CWH43: variants seen among roughly 807,000 people sequenced by gnomAD.
The protein encoded by CWH43 is PGAP2-interacting protein.
Under a neutral mutation model 85.7 loss-of-function variants are expected in CWH43, and 91 were observed. The ratio of observed to expected loss-of-function variants is 1.06; its 90% CI spans 0.90 to 1.26. The LOEUF is 1.26. Ranked by LOEUF, CWH43 falls within the 50% of genes most tolerant of loss-of-function variation. The pLI is 0.00. For synonymous variants in CWH43, 323 were observed against 293.6 expected, an observed-to-expected ratio of 1.10 and a Z score of -1.02; for missense variants, 869 against 839.2, an observed-to-expected ratio of 1.04 and a Z score of -0.44.
chr4:49,058,319 C>T (rs981517222), intron 15 of CWH43, among the ~76,000 whole-genome samples: 1 of 152,070 alleles, frequency 6.6e-6, no homozygotes, highest in Non-Finnish European at 1.5e-5. Flanking sequence ...TTATTTTAAG[C>T]TGAAAACAAC....
chr4:48,988,472 T>G lies in CWH43; in HGVS notation c.44-5T>G, dbSNP rs750885887. 2.0e-6 allele frequency: 3 copies of G among 1,526,014 alleles called. No individual in the cohort carries two copies. Among genetic ancestry groups the G allele is most frequent in the African/African-American group, 1.4e-5 (1 of 70,432 alleles). 94.5% of individuals were successfully genotyped at this position (1,526,014 alleles called of 1,614,324 possible). ...TTCTCTCTTTAACTTTTTTTTTTTT[T>G]GTAGGATGTGTTTCTTGGTCTCTCT... On this transcript the variant is annotated splice_polypyrimidine_tract_variant and splice_region_variant and intron_variant, in intron 1 of 15. Transcript: ENST00000226432.
intron 4 of CWH43, among the ~76,000 whole-genome samples, chr4:48,994,056 C>T (rs894113533): frequency 6.6e-6 from 1 of 152,180 alleles, no homozygotes; most frequent in Non-Finnish European, 1.5e-5. Context: ...GCCACTGCAT[C>T]TGGCCCTGTT....
intron 8 of CWH43, chr4:49,016,728 A>G: frequency 1.3e-6 from 1 of 776,586 alleles, no homozygotes; most frequent in Non-Finnish European, 2.4e-6. Context: ...CTGCTCGAAA[A>G]CAACCTTCTC....
intron 6 of CWH43, 105 bp from the exon 7 acceptor site, chr4:49,003,630 G>A: frequency 9.4e-7 from 1 of 1,059,880 alleles, no homozygotes; most frequent in East Asian, 2.4e-5. Context: ...TCTGGAGATT[G>A]GATCAGTATA....
At chr4:49,023,748 A>T (rs570086350) in intron 9 of CWH43, among the ~76,000 whole-genome samples, 73 of 152,262 alleles carry the variant, frequency 4.8e-4, no homozygotes, top group African/African-American at 1.5e-3. Flanking sequence ...AAATTTGTTG[A>T]CACTTGTTTT....
intron 8 of CWH43, among the ~76,000 whole-genome samples, chr4:49,014,085 A>G (rs941794653): frequency 2.6e-5 from 4 of 152,226 alleles, no homozygotes; most frequent in Admixed American, 6.5e-5. Flanking sequence ...TAAGTTCTCT[A>G]TGTATTTCCA....
intron 11 of CWH43, among the ~76,000 whole-genome samples, chr4:49,031,461 A>G (rs114550274): frequency 5.1e-4 from 77 of 152,250 alleles, no homozygotes; most frequent in African/African-American, 1.8e-3. Context: ...AGCTGAGGGA[A>G]CAGTCAGGGT....
In CWH43 at chr4:49,035,804, T is replaced by C. The variant is rs111427578; in HGVS notation, c.1659-2232T>C. ...ACAGATTACTTCCAGTTAGAATATA[T>C]TGGATTGGAATCCAATATATTCTAC... On this transcript the variant is annotated intron_variant, in intron 12 of 15. Transcript: ENST00000226432. 2.9e-4 allele frequency among the ~76,000 whole-genome samples: 44 copies of C among 152,228 alleles called. 1 individual carries two copies. Among genetic ancestry groups the C allele is most frequent in the African/African-American group, 1.0e-3 (42 of 41,544 alleles).
At chr4:49,038,873 A>G (rs1321890839) in intron 13 of CWH43, among the ~76,000 whole-genome samples, 1 of 151,478 alleles carries the variant, frequency 6.6e-6, no homozygotes, top group Non-Finnish European at 1.5e-5. Flanking sequence ...CCTGGTTAAC[A>G]TGGTGAAACC....
At position 49,033,647 on chromosome 4, in the gene CWH43, G is replaced by C. The variant is rs148817306; in HGVS notation, c.1658+932G>C. Among the ~76,000 whole-genome samples the C allele has an allele frequency of 3.5e-3, 531 of 152,316 alleles. 2 individuals carry two copies. The highest frequency in any genetic ancestry group is 0.012 in the African/African-American group (510 of 41,584). On this transcript the variant is annotated intron_variant, in intron 12 of 15. Transcript: ENST00000226432. The stretch of plus-strand genomic sequence containing the variant: ...AAAGAAGTCCCTCTACACGCAACAT[G>C]AAGAGTGGGGAATGAGTTTTATCCC...
chr4:48,989,537 C>G (rs1782593158), intron 2 of CWH43, among the ~76,000 whole-genome samples: 1 of 152,232 alleles, frequency 6.6e-6, no homozygotes, highest in African/African-American at 2.4e-5. Flanking sequence ...GTTGCCATCG[C>G]ACAACACAGT....
chr4:48,995,369 G>A (rs1041400494), intron 5 of CWH43, among the ~76,000 whole-genome samples: 2 of 152,174 alleles, frequency 1.3e-5, no homozygotes, highest in African/African-American at 4.8e-5. Context: ...TCAAGTGTTG[G>A]TCCTTGTGTT....
chr4:48,990,830 A>G (rs1782637724), intron 2 of CWH43, among the ~76,000 whole-genome samples: 1 of 152,238 alleles, frequency 6.6e-6, no homozygotes, highest in South Asian at 2.1e-4. Context: ...TTGTACACAA[A>G]TGTTCATAGC....
intron 13 of CWH43, among the ~76,000 whole-genome samples, chr4:49,042,167 A>G (rs1784483317): frequency 6.6e-6 from 1 of 152,090 alleles, no homozygotes. Flanking sequence ...TCAACTAGGG[A>G]CTGGAGGACC....
chr4:49,051,504 T>C (rs1784796960), intron 15 of CWH43, among the ~76,000 whole-genome samples: 3 of 152,202 alleles, frequency 2.0e-5, no homozygotes. Flanking sequence ...GTTATTCTAA[T>C]GTGCAGTTAG....
rs1451015716 is a variant in CWH43, at chr4:49,046,660, G to A, written c.1865+1813G>A. The stretch of plus-strand genomic sequence containing the variant: ...GAGGGACCCCACCTGTGCATACCCT[G>A]AGGAAGAGCACTTCAGGCAGGGGAG... On this transcript the variant is annotated intron_variant, in intron 14 of 15. Transcript: ENST00000226432. Among the ~76,000 whole-genome samples the A allele has an allele frequency of 3.3e-5, 5 of 152,098 alleles. No individual in the cohort carries two copies. The South Asian group carries it at 1.0e-3, about 32-fold the overall frequency.
intron 14 of CWH43, 73 bp from the exon 15 acceptor site, chr4:49,050,621 G>A (rs1288985723): frequency 1.5e-5 from 18 of 1,163,608 alleles, no homozygotes; most frequent in Non-Finnish European, 2.1e-5. Flanking sequence ...ATAACAAAGG[G>A]GTATCACTTG....
chr4:49,060,929 C>A (rs530012808), intron 15 of CWH43, among the ~76,000 whole-genome samples: 1 of 152,196 alleles, frequency 6.6e-6, no homozygotes, highest in Non-Finnish European at 1.5e-5. Context: ...TGTTTTTGTT[C>A]TATTTGCTAA....
intron 8 of CWH43, among the ~76,000 whole-genome samples, chr4:49,010,316 G>A (rs1428256760): frequency 6.6e-6 from 1 of 152,070 alleles, no homozygotes; most frequent in East Asian, 1.9e-4. Context: ...TGGGATTGAA[G>A]GTGATATCCC....
Sources: gnomAD v4.1 joint callset for allele counts (sites outside exome capture counted in the v4.1 genomes callset) on GRCh38, gnomAD v4.1.1 for gene constraint, MANE v1.5 for transcripts, NCBI Gene and HGNC (gene_info 2026-07-23, HGNC 2026-07-21) for gene names.